Variants in ADRA1A observed in about 807,000 individuals in gnomAD.
The protein encoded by ADRA1A is alpha-1A adrenergic receptor.
In ADRA1A, 31 loss-of-function variants were observed where a neutral mutation model predicts 29.6. That is an observed-to-expected ratio of 1.05 (90% CI 0.79 to 1.41). ADRA1A has a LOEUF of 1.41. Ranked by LOEUF, ADRA1A falls within the 40% of genes most tolerant of loss-of-function variation. ADRA1A has a pLI of 0.00. For synonymous variants in ADRA1A, 311 were observed against 254.3 expected, an observed-to-expected ratio of 1.22 and a Z score of -2.12; for missense variants, 619 against 601.1, an observed-to-expected ratio of 1.03 and a Z score of -0.31.
At chr8:26,798,670 A>T (rs1808355708) in intron 2 of ADRA1A, among the ~76,000 whole-genome samples, 1 of 152,206 alleles carries the variant, frequency 6.6e-6, no homozygotes, top group African/African-American at 2.4e-5. Flanking sequence ...TGCCTGTGAA[A>T]AAGACACAAA....
intron 2 of ADRA1A, among the ~76,000 whole-genome samples, chr8:26,857,850 G>C (rs948266915): frequency 2.0e-5 from 3 of 152,158 alleles, no homozygotes; most frequent in Non-Finnish European, 4.4e-5. Flanking sequence ...ATCATTGTAT[G>C]TACTTGTCCT....
rs1443333943 is a variant in ADRA1A at position 26,831,623 on chromosome 8, A to G, written c.883+32464T>C. The stretch of plus-strand genomic sequence containing the variant: ...TAAATAGATTTTCCTAAATTTGAGA[A>G]TAGTCACTTCAATCTTTCTTCTTTC... On this transcript the variant is annotated intron_variant, in intron 2 of 2. Coordinates refer to ENST00000380573, the MANE Select transcript of ADRA1A (RefSeq NM_000680.4). This position sits in a 1 kb window ranked among gnomAD's most constrained non-coding sequence, Gnocchi z 5.2. Among the ~76,000 whole-genome samples the G allele has an allele frequency of 6.6e-6, 1 of 152,230 alleles. No homozygotes were observed.
At chr8:26,807,288 G>A (rs576914585) in intron 2 of ADRA1A, among the ~76,000 whole-genome samples, 1 of 152,304 alleles carries the variant, frequency 6.6e-6, no homozygotes, top group African/African-American at 2.4e-5. Flanking sequence ...TCACAGGGCT[G>A]CTTCTTTTGA....
At chr8:26,790,373 C>T (rs1807727108) in intron 2 of ADRA1A, among the ~76,000 whole-genome samples, 1 of 152,086 alleles carries the variant, frequency 6.6e-6, no homozygotes, top group Admixed American at 6.6e-5. Flanking sequence ...ATAAATACCA[C>T]ATGTTCTCAC....
chr8:26,833,995 T>A (rs1563291296), intron 2 of ADRA1A, among the ~76,000 whole-genome samples: 1 of 152,220 alleles, frequency 6.6e-6, no homozygotes, highest in Non-Finnish European at 1.5e-5. Flanking sequence ...TATGTCTGGA[T>A]AACTCAAAAG....
intron 2 of ADRA1A, among the ~76,000 whole-genome samples, chr8:26,793,761 T>C (rs1585702794): frequency 1.3e-5 from 2 of 152,076 alleles, no homozygotes; most frequent in South Asian, 4.1e-4. Context: ...AGAAATAATA[T>C]ATGAAAACTA....
intron 2 of ADRA1A, among the ~76,000 whole-genome samples, chr8:26,852,604 A>C (rs1343983532): frequency 6.6e-6 from 1 of 152,132 alleles, no homozygotes; most frequent in Non-Finnish European, 1.5e-5. Context: ...GAAAATACGA[A>C]AATAAAGATT....
At chr8:26,782,017 A>G (rs1807021416) in intron 2 of ADRA1A, among the ~76,000 whole-genome samples, 1 of 152,214 alleles carries the variant, frequency 6.6e-6, no homozygotes, top group South Asian at 2.1e-4. Context: ...TGCTCTGGAC[A>G]GTTCCGGGTC....
chr8:26,772,330 A>T (rs773512812), intron 2 of ADRA1A, among the ~76,000 whole-genome samples: 3 of 152,214 alleles, frequency 2.0e-5, no homozygotes, highest in Non-Finnish European at 4.4e-5. Flanking sequence ...TTTATGAATT[A>T]TGAAATCCCA....
chr8:26,802,003 C>T (rs1808617140), intron 2 of ADRA1A, among the ~76,000 whole-genome samples: 1 of 152,138 alleles, frequency 6.6e-6, no homozygotes, highest in Non-Finnish European at 1.5e-5. Flanking sequence ...AACGAACACT[C>T]TCGTCAGTGA....
chr8:26,827,616 T>C (rs533226220), intron 2 of ADRA1A, among the ~76,000 whole-genome samples: 3 of 151,666 alleles, frequency 2.0e-5, no homozygotes, highest in African/African-American at 7.2e-5. Flanking sequence ...TTCTTTCTTT[T>C]CTTTCTTTTT....
exon 3 of ADRA1A, chr8:26,748,391 C>A (rs1466079454): frequency 5.8e-6 from 1 of 171,750 alleles, no homozygotes; most frequent in African/African-American, 2.4e-5. Context: ...GCATATTGAG[C>A]TTCTGAGCAA....
intron 2 of ADRA1A, among the ~76,000 whole-genome samples, chr8:26,827,115 A>G (rs1213250674): frequency 1.3e-5 from 2 of 152,226 alleles, no homozygotes; most frequent in Non-Finnish European, 2.9e-5. Flanking sequence ...TGTGCTTAAA[A>G]TAGTATCTGG....
chr8:26,859,344 C>G lies in ADRA1A; in HGVS notation c.883+4743G>C, dbSNP rs1321373217. On this transcript the variant is annotated intron_variant, in intron 2 of 2. Coordinates refer to ENST00000380573, the MANE Select transcript of ADRA1A (RefSeq NM_000680.4). The stretch of plus-strand genomic sequence containing the variant: ...AAGTAGTGCCATCTTCTTTAAGTCT[C>G]TGCTCTGTCAATGGTCATGCATGTA... The G allele has an allele frequency of 8.4e-6, 4 of 473,908 alleles. No homozygotes were observed. In the East Asian group the frequency reaches 2.1e-4, roughly 25 times the overall value. 29.4% of individuals were successfully genotyped at this position (473,908 alleles called of 1,614,324 possible).
intron 2 of ADRA1A, among the ~76,000 whole-genome samples, chr8:26,750,179 G>A (rs1804860490): frequency 6.6e-6 from 1 of 152,126 alleles, no homozygotes; most frequent in South Asian, 2.1e-4. Context: ...GAAGGGACAA[G>A]GAAGCTGTCT....
rs149067610 is a variant in ADRA1A at position 26,783,410 on chromosome 8, A to T, written c.884-12744T>A. On this transcript the variant is annotated intron_variant, in intron 2 of 2. Coordinates refer to ENST00000380573, the MANE Select transcript of ADRA1A (RefSeq NM_000680.4). ...GATGTGGCATCTTTTGTTCACTAGGATGTAGGTTAGGGTTATAGTGGTTGA... is the reference window on the plus strand; with the variant it reads ...GATGTGGCATCTTTTGTTCACTAGGTTGTAGGTTAGGGTTATAGTGGTTGA... Among the ~76,000 whole-genome samples, 362 of 152,252 alleles carry T rather than the reference A, an allele frequency of 2.4e-3. 1 individual carries two copies. The highest frequency in any genetic ancestry group is 8.2e-3 in the African/African-American group (342 of 41,538).
At chr8:26,830,591 C>T (rs1314650529) in intron 2 of ADRA1A, among the ~76,000 whole-genome samples, 2 of 152,198 alleles carry the variant, frequency 1.3e-5, no homozygotes, top group South Asian at 2.1e-4. Flanking sequence ...AGAGAGACAG[C>T]ATAGTTGAAC....
intron 2 of ADRA1A, among the ~76,000 whole-genome samples, chr8:26,782,793 G>A (rs1807090623): frequency 6.6e-6 from 1 of 152,100 alleles, no homozygotes; most frequent in South Asian, 2.1e-4. Context: ...CCCTCCTGAT[G>A]TTTCCAAACT....
intron 2 of ADRA1A, among the ~76,000 whole-genome samples, chr8:26,760,418 C>T (rs1805444278): frequency 6.6e-6 from 1 of 152,176 alleles, no homozygotes; most frequent in Non-Finnish European, 1.5e-5. Flanking sequence ...GCCTGGCTGT[C>T]TACATCCTCA....
Sources: gnomAD v4.1 joint callset for allele counts (sites outside exome capture counted in the v4.1 genomes callset) on GRCh38, gnomAD v4.1.1 for gene constraint, Gnocchi (gnomAD v3.1) non-coding constraint, MANE v1.5 for transcripts, NCBI Gene and HGNC (gene_info 2026-07-23, HGNC 2026-07-21) for gene names.